LYPLAL1: variants seen among roughly 807,000 people sequenced by gnomAD.
LYPLAL1 encodes lysophospholipase like 1.
A neutral mutation model predicts 19.7 loss-of-function variants in LYPLAL1; 23 were observed. The ratio of observed to expected loss-of-function variants is 1.17; its 90% CI spans 0.84 to 1.65. The LOEUF (loss-of-function observed/expected upper bound fraction) is 1.65. Among genes scored for constraint, LYPLAL1 ranks in the 40% most tolerant of loss-of-function variants. The pLI is 0.00. For missense variants in LYPLAL1, 355 were observed against 279.4 expected, an observed-to-expected ratio of 1.27 and a Z score of -1.93; for synonymous variants, 119 against 96.3, an observed-to-expected ratio of 1.24 and a Z score of -1.38.
chr1:219,257,207 C>T, the LYPLAL1 span, among the ~76,000 whole-genome samples: 1 of 152,024 alleles, frequency 6.6e-6, no homozygotes, highest in East Asian at 1.9e-4. Flanking sequence ...AGTTTGGTTT[C>T]ACACACATTG....
At chr1:219,241,217 T>C in the LYPLAL1 span, among the ~76,000 whole-genome samples, 24 of 145,196 alleles carry the variant, frequency 1.7e-4, no homozygotes, top group African/African-American at 5.8e-4. Flanking sequence ...ATATCCATGA[T>C]GGTGATGCCA....
At chr1:219,280,258 G>A in the LYPLAL1 span, among the ~76,000 whole-genome samples, 1 of 152,146 alleles carries the variant, frequency 6.6e-6, no homozygotes, top group African/African-American at 2.4e-5. Flanking sequence ...TTGTAAACAA[G>A]CAGATAATAC....
the LYPLAL1 span, among the ~76,000 whole-genome samples, chr1:219,416,804 G>A: frequency 1.3e-5 from 2 of 152,122 alleles, no homozygotes; most frequent in African/African-American, 2.4e-5. Flanking sequence ...GATCCCTTTT[G>A]TCGCCATCTG....
At chr1:219,411,565 TAAG>T in the LYPLAL1 span, among the ~76,000 whole-genome samples, 3 of 152,092 alleles carry the variant, frequency 2.0e-5, no homozygotes, top group Non-Finnish European at 2.9e-5. Flanking sequence ...TGGGGCCAGA[TAAG>T]AGAATAAAAA....
chr1:219,294,653 C>A, the LYPLAL1 span, among the ~76,000 whole-genome samples: 1 of 152,208 alleles, frequency 6.6e-6, no homozygotes, highest in Non-Finnish European at 1.5e-5. Flanking sequence ...TTTGTGATGA[C>A]TGTTCTACCA....
the LYPLAL1 span, among the ~76,000 whole-genome samples, chr1:219,376,653 G>A: frequency 3.3e-5 from 5 of 152,112 alleles, no homozygotes; most frequent in Non-Finnish European, 7.4e-5. Flanking sequence ...TGGGCAAAGG[G>A]TAAGGATATA....
the LYPLAL1 span, among the ~76,000 whole-genome samples, chr1:219,442,145 A>C: frequency 3.3e-5 from 5 of 152,002 alleles, no homozygotes; most frequent in Non-Finnish European, 5.9e-5. Context: ...CACAATACAA[A>C]AGGTCCCTCA....
the LYPLAL1 span, among the ~76,000 whole-genome samples, chr1:219,238,533 C>G: frequency 6.6e-6 from 1 of 151,882 alleles, no homozygotes; most frequent in Non-Finnish European, 1.5e-5. Flanking sequence ...GATATGTTTT[C>G]TAGAACTTCA....
the LYPLAL1 span, among the ~76,000 whole-genome samples, chr1:219,386,113 G>A: frequency 3.2e-4 from 49 of 152,224 alleles, no homozygotes; most frequent in East Asian, 1.9e-4. Flanking sequence ...GAGGGGAGAC[G>A]GCAGAGCTTT....
the LYPLAL1 span, among the ~76,000 whole-genome samples, chr1:219,389,329 G>C: frequency 3.3e-5 from 5 of 152,224 alleles, no homozygotes; most frequent in African/African-American, 1.2e-4. Context: ...CAAGAGTATG[G>C]GGAAGGCCTG....
At position 219,188,099 on chromosome 1, in the gene LYPLAL1, A is replaced by G. The variant is rs1656869455; in HGVS notation, c.192-4983A>G. ...GCACAAATTATTCCCAAGTGGCACA[A>G]ATGATTACTGAAATTTATTCAGCAA... On this transcript the variant is annotated intron_variant, in intron 2 of 4. Coordinates refer to ENST00000366928, the MANE Select transcript of LYPLAL1 (RefSeq NM_138794.5). 4.6e-5 allele frequency among the ~76,000 whole-genome samples: 7 copies of G among 151,806 alleles called. No homozygotes were observed. In the South Asian group the frequency reaches 1.5e-3, roughly 31 times the overall value.
the LYPLAL1 span, among the ~76,000 whole-genome samples, chr1:219,231,726 T>C: frequency 1.3e-5 from 2 of 152,212 alleles, no homozygotes; most frequent in African/African-American, 4.8e-5. Flanking sequence ...ACTGATGTTT[T>C]GTCTGCATCA....
chr1:219,195,822 G>A (rs1657554983), intron 3 of LYPLAL1, among the ~76,000 whole-genome samples: 1 of 152,048 alleles, frequency 6.6e-6, no homozygotes, highest in African/African-American at 2.4e-5. Context: ...TTCATTAGCT[G>A]TTTATCCTGA....
At chr1:219,253,951 TG>T in the LYPLAL1 span, among the ~76,000 whole-genome samples, 1 of 152,158 alleles carries the variant, frequency 6.6e-6, no homozygotes, top group Non-Finnish European at 1.5e-5. Flanking sequence ...TTTATGAATC[TG>T]GGTGCTCCTA....
chr1:219,183,471 G>C (rs372504884), intron 2 of LYPLAL1, among the ~76,000 whole-genome samples: 1 of 152,072 alleles, frequency 6.6e-6, no homozygotes, highest in African/African-American at 2.4e-5. Flanking sequence ...TATGTGCATA[G>C]TTAATTTTGA....
the LYPLAL1 span, among the ~76,000 whole-genome samples, chr1:219,412,124 C>T: frequency 6.6e-6 from 1 of 152,140 alleles, no homozygotes. Flanking sequence ...TCTTATCTCA[C>T]CGCAGCCTCA....
the LYPLAL1 span, among the ~76,000 whole-genome samples, chr1:219,367,992 A>C: frequency 6.6e-6 from 1 of 151,336 alleles, no homozygotes; most frequent in African/African-American, 2.4e-5. Flanking sequence ...GCTCTCTCCA[A>C]TTAAAGTATA....
At chr1:219,324,077 A>G in the LYPLAL1 span, among the ~76,000 whole-genome samples, 4 of 152,278 alleles carry the variant, frequency 2.6e-5, no homozygotes, top group South Asian at 2.1e-4. Flanking sequence ...GTTCTTTCTT[A>G]CCCACTGTAA....
intron 2 of LYPLAL1, among the ~76,000 whole-genome samples, chr1:219,191,111 C>T (rs1657145983): frequency 6.6e-6 from 1 of 151,580 alleles, no homozygotes; most frequent in South Asian, 2.1e-4. Context: ...TATGTCAGCA[C>T]CTACTGCTAT....
Sources: gnomAD v4.1 joint callset for allele counts (sites outside exome capture counted in the v4.1 genomes callset) on GRCh38, gnomAD v4.1.1 for gene constraint, MANE v1.5 for transcripts, NCBI Gene and HGNC (gene_info 2026-07-23, HGNC 2026-07-21) for gene names.